The following IQSEC1 variants were observed in gnomAD, a reference collection of about 807,000 sequenced individuals.
IQSEC1 encodes IQ motif and Sec7 domain ArfGEF 1, also known as IQ motif and SEC7 domain-containing protein 1.
A neutral mutation model predicts 91.0 loss-of-function variants in IQSEC1; 31 were observed. The observed-to-expected ratio is 0.34, with a 90% CI of 0.26 to 0.46. The LOEUF (loss-of-function observed/expected upper bound fraction) is 0.46, where lower values mean the gene tolerates loss of function less well. Ranked by LOEUF, IQSEC1 falls within the 20% of genes least tolerant of loss-of-function variation. The pLI, the probability that IQSEC1 is intolerant of heterozygous loss-of-function variation, is 1.00. For synonymous variants in IQSEC1, 699 were observed against 662.6 expected (o/e 1.05, Z -0.84); for missense variants, 1,388 against 1,575.6 (o/e 0.88, Z 2.02).
chr3:13,030,881 C>T (rs1021627266), intron 1 of IQSEC1, among the ~76,000 whole-genome samples: 2 of 152,262 alleles, frequency 1.3e-5, no homozygotes, highest in African/African-American at 2.4e-5. Flanking sequence ...CCGAGGTTCA[C>T]CTTCACCAAG....
intron 1 of IQSEC1, among the ~76,000 whole-genome samples, chr3:13,274,491 T>C (rs1324193375): frequency 6.6e-6 from 1 of 152,260 alleles, no homozygotes; most frequent in African/African-American, 2.4e-5. Flanking sequence ...GTGACGCTCT[T>C]CATGCAAGTG....
intron 9 of IQSEC1, among the ~76,000 whole-genome samples, 179 bp from the exon 10 acceptor site, chr3:12,911,907 C>T (rs926923686): frequency 6.6e-6 from 1 of 152,154 alleles, no homozygotes; most frequent in African/African-American, 2.4e-5. Context: ...TCCCCGCAAC[C>T]CCGATGCCAT....
chr3:12,951,291 C>T lies in IQSEC1; in HGVS notation c.24-9426G>A, dbSNP rs554713135. ...TACAAAAAATAGCTGGGTGTGGTGG[C>T]GCAAGCATGTAATCCCAGCTACTCG... On this transcript the variant is annotated intron_variant, in intron 1 of 13. Transcript: ENST00000613206. Among the ~76,000 whole-genome samples, 12 of 152,108 alleles carry T rather than the reference C, an allele frequency of 7.9e-5. No individual in the cohort carries two copies. In the South Asian group the frequency reaches 1.7e-3, roughly 21 times the overall value.
intron 9 of IQSEC1, 125 bp downstream of exon 9, chr3:12,913,303 C>G: frequency 9.7e-7 from 1 of 1,026,788 alleles, no homozygotes; most frequent in Middle Eastern, 2.3e-4. Context: ...GTGAAAGACA[C>G]CAGGCAAACC....
intron 1 of IQSEC1, among the ~76,000 whole-genome samples, chr3:12,998,162 C>A (rs907106799): frequency 6.6e-6 from 1 of 152,110 alleles, no homozygotes; most frequent in Admixed American, 6.5e-5. Context: ...TCAGCCTAGG[C>A]AACATGGCAA....
chr3:13,126,021 C>A (rs932173222), intron 2 of IQSEC1, among the ~76,000 whole-genome samples: 2 of 152,104 alleles, frequency 1.3e-5, no homozygotes, highest in African/African-American at 4.8e-5. Context: ...TCATTTGTGT[C>A]CTGAAGCTGG....
At chr3:13,137,109 C>G (rs1302837761) in intron 2 of IQSEC1, among the ~76,000 whole-genome samples, 2 of 152,178 alleles carry the variant, frequency 1.3e-5, no homozygotes, top group Non-Finnish European at 2.9e-5. Flanking sequence ...GCACTCCAGC[C>G]TGGGCCACAG....
intron 1 of IQSEC1, among the ~76,000 whole-genome samples, chr3:13,005,746 C>T (rs990332776): frequency 2.0e-5 from 3 of 152,192 alleles, no homozygotes; most frequent in African/African-American, 4.8e-5. Context: ...CTGGAGGCTT[C>T]GTAGGGACGG....
intron 1 of IQSEC1, among the ~76,000 whole-genome samples, chr3:13,194,349 A>G (rs750903275): frequency 3.3e-5 from 5 of 152,030 alleles, no homozygotes; most frequent in Non-Finnish European, 5.9e-5. Flanking sequence ...CTTGACCTAC[A>G]GCAGAAGCCA....
intron 1 of IQSEC1, among the ~76,000 whole-genome samples, chr3:13,063,461 G>C (rs1477385230): frequency 1.3e-5 from 2 of 152,228 alleles, no homozygotes; most frequent in Non-Finnish European, 2.9e-5. Flanking sequence ...TGGTGACTGT[G>C]TCATCAGGAA....
rs1698636369 is a variant in IQSEC1 at position 12,940,343 on chromosome 3, A to T, written c.318+1228T>A. On this transcript the variant is annotated intron_variant, in intron 2 of 13. Transcript: ENST00000613206. This position sits in a 1 kb window ranked among gnomAD's most constrained non-coding sequence, Gnocchi z 4.4. ...TGGGGCACACCAGGCCCAGAACTCT[A>T]CTCCTTAAAGGACAAAAAGGGGAGC... Among the ~76,000 whole-genome samples the T allele has an allele frequency of 6.6e-6, 1 of 151,880 alleles. No individual in the cohort carries two copies. The highest frequency in any genetic ancestry group is 1.5e-5 in the Non-Finnish European group (1 of 67,952).
chr3:12,965,848 T>C (rs371964052), intron 1 of IQSEC1, among the ~76,000 whole-genome samples: 1 of 152,136 alleles, frequency 6.6e-6, no homozygotes, highest in Non-Finnish European at 1.5e-5. Context: ...AGCACGCTAA[T>C]GGTTTCTTGT....
chr3:12,899,471 C>G lies in IQSEC1; in HGVS notation c.*1512G>C. On this transcript the variant is annotated 3_prime_UTR_variant, in exon 14 of 14. Coordinates refer to ENST00000613206, the MANE Select transcript of IQSEC1 (RefSeq NM_001134382.3). Reference sequence around the variant, plus strand: ...GGCCCGTGGGTGACTCGGGCACAGACCTGCCGCGTGCAGGTCTGGCCCTGG... The same window carrying G: ...GGCCCGTGGGTGACTCGGGCACAGAGCTGCCGCGTGCAGGTCTGGCCCTGG... 2 of 1,600,194 alleles carry G rather than the reference C, an allele frequency of 1.2e-6. No individual in the cohort carries two copies. Among genetic ancestry groups the G allele is most frequent in the Non-Finnish European group, 1.7e-6 (2 of 1,173,868 alleles).
intron 1 of IQSEC1, among the ~76,000 whole-genome samples, chr3:13,182,989 C>T (rs2125020693): frequency 1.3e-5 from 2 of 152,110 alleles, no homozygotes; most frequent in East Asian, 3.9e-4. Context: ...ACAGTGAAAC[C>T]CTGTCTCTAC....
At chr3:13,028,844 G>A (rs1021692224) in intron 1 of IQSEC1, among the ~76,000 whole-genome samples, 3 of 152,178 alleles carry the variant, frequency 2.0e-5, no homozygotes, top group Non-Finnish European at 4.4e-5. Context: ...AGAGGTGGAG[G>A]CGACTTGCCC....
chr3:13,204,157 GGGAGAGCTGC>G (rs949767758), intron 1 of IQSEC1, among the ~76,000 whole-genome samples: 23 of 152,356 alleles, frequency 1.5e-4, no homozygotes, highest in South Asian at 8.3e-4. Context: ...GCCAAGCCCA[GGGAGAGCTGC>G]GGAGAGCTGC....
chr3:13,246,439 G>A (rs573837669), intron 1 of IQSEC1, among the ~76,000 whole-genome samples: 20 of 152,288 alleles, frequency 1.3e-4, no homozygotes, highest in South Asian at 4.2e-4. Context: ...CGGTGGGGAC[G>A]GTGGCACATC....
chr3:13,090,025 C>A (rs1705810625), intron 2 of IQSEC1, among the ~76,000 whole-genome samples: 2 of 152,098 alleles, frequency 1.3e-5, no homozygotes, highest in South Asian at 2.1e-4. Flanking sequence ...ACCATCCTGG[C>A]TAACACGGTG....
chr3:13,009,225 T>C (rs1702765683), intron 1 of IQSEC1, among the ~76,000 whole-genome samples: 1 of 152,316 alleles, frequency 6.6e-6, no homozygotes, highest in South Asian at 2.1e-4. Context: ...TGACTCGCCC[T>C]AGGTCACACA....
Sources: allele counts gnomAD v4.1 joint callset (sites outside exome capture counted in the v4.1 genomes callset), GRCh38; gene constraint gnomAD v4.1.1; non-coding constraint Gnocchi (gnomAD v3.1); transcripts MANE v1.5; gene names NCBI Gene and HGNC (gene_info 2026-07-23, HGNC 2026-07-21).